Variants in LARGE1 observed in about 807,000 individuals in gnomAD.
LARGE1 encodes LARGE xylosyl- and glucuronyltransferase 1.
Under a neutral mutation model 87.6 loss-of-function variants are expected in LARGE1, and 43 were observed. That is an observed-to-expected ratio of 0.49 (90% CI 0.38 to 0.63). The LOEUF is 0.63. Among genes scored for constraint, LARGE1 ranks in the 30% least tolerant of loss-of-function variants. LARGE1 has a pLI of 0.00. For missense variants in LARGE1, 802 were observed against 1,000.2 expected (o/e 0.80, Z 2.67); for synonymous variants, 434 against 394.6 (o/e 1.10, Z -1.18).
intron 10 of LARGE1, among the ~76,000 whole-genome samples, chr22:33,333,580 G>A (rs1179927864): frequency 6.6e-6 from 1 of 152,118 alleles, no homozygotes; most frequent in Non-Finnish European, 1.5e-5. Flanking sequence ...TTCTTCATCT[G>A]CTCTTCCCTT....
chr22:33,676,516 C>T (rs1050367883), intron 2 of LARGE1, among the ~76,000 whole-genome samples: 1 of 144,958 alleles, frequency 6.9e-6, no homozygotes, highest in Non-Finnish European at 1.5e-5. Context: ...ACCAAGAAAA[C>T]TATACAATAA....
At chr22:33,809,285 C>A (rs917780971) in intron 1 of LARGE1, among the ~76,000 whole-genome samples, 2 of 139,548 alleles carry the variant, frequency 1.4e-5, no homozygotes, top group Admixed American at 1.4e-4. Flanking sequence ...AAAAAAAAAT[C>A]AGGTCCTGTG....
chr22:33,132,552 T>C, the LARGE1 span, among the ~76,000 whole-genome samples: 1 of 101,422 alleles, frequency 9.9e-6, no homozygotes, highest in Non-Finnish European at 2.2e-5. Flanking sequence ...AAAATTTAAT[T>C]TGGAAGCTCA....
chr22:33,444,668 A>G lies in LARGE1; in HGVS notation c.788-12403T>C, dbSNP rs1244563827. Among the ~76,000 whole-genome samples the G allele has an allele frequency of 4.3e-4, 65 of 152,328 alleles. 1 individual carries two copies. Among genetic ancestry groups the G allele is most frequent in the Non-Finnish European group, 5.9e-5 (4 of 68,034 alleles). On this transcript the variant is annotated intron_variant, in intron 6 of 14. Transcript: ENST00000397394. ...GATAAAGGTATGCTGGCTTGGCATCATTTGGTATAAGGTTAATGAAAGGCG... is the reference window on the plus strand; with the variant it reads ...GATAAAGGTATGCTGGCTTGGCATCGTTTGGTATAAGGTTAATGAAAGGCG...
At chr22:33,189,444 T>C (rs1323061263) in intron 11 of LARGE1, among the ~76,000 whole-genome samples, 1 of 152,172 alleles carries the variant, frequency 6.6e-6, no homozygotes, top group Non-Finnish European at 1.5e-5. Context: ...TCTGCCTTTT[T>C]CTTTCTGAGT....
chr22:33,757,626 G>C (rs1399697208), intron 2 of LARGE1, among the ~76,000 whole-genome samples: 1 of 152,076 alleles, frequency 6.6e-6, no homozygotes, highest in Non-Finnish European at 1.5e-5. Flanking sequence ...GGGAGTTCTT[G>C]GCTCTGCTCT....
In LARGE1 at chr22:33,872,355, CTATCTAT is replaced by C. The variant is rs1158524772; in HGVS notation, c.-83+47633_-83+47639del. ...GCACAGAGCAGACACGCAGTAAATGCTATCTATTATTATTATTATTATTATTATTATT... is the reference window on the plus strand; with the variant it reads ...GCACAGAGCAGACACGCAGTAAATGCTATTATTATTATTATTATTATTATT... On this transcript the variant is annotated intron_variant, in intron 1 of 14. Coordinates refer to ENST00000397394, the MANE Select transcript of LARGE1 (RefSeq NM_133642.5). 2.2e-3 allele frequency among the ~76,000 whole-genome samples: 290 copies of C among 133,846 alleles called. 3 individuals are homozygous for C. Among genetic ancestry groups the C allele is most frequent in the African/African-American group, 8.4e-3 (284 of 33,652 alleles). The allele number at this position is 133,846 out of a possible 152,430, so 87.8% of individuals were successfully genotyped here.
intron 11 of LARGE1, among the ~76,000 whole-genome samples, chr22:33,246,066 G>A (rs896023937): frequency 6.6e-6 from 1 of 152,166 alleles, no homozygotes; most frequent in Non-Finnish European, 1.5e-5. Flanking sequence ...TGCAAATACT[G>A]CTGTAGCCAT....
intron 6 of LARGE1, among the ~76,000 whole-genome samples, chr22:33,504,692 C>T (rs922958496): frequency 2.6e-5 from 4 of 152,104 alleles, no homozygotes; most frequent in African/African-American, 4.8e-5. Context: ...CTTTAGTTCC[C>T]GCATTGGTTC....
chr22:33,661,012 A>ATT (rs11356403), intron 2 of LARGE1, among the ~76,000 whole-genome samples: 10 of 147,726 alleles, frequency 6.8e-5, no homozygotes, highest in Admixed American at 2.0e-4. Flanking sequence ...ATGAGGTTTG[A>ATT]TTTTTTTTTT....
chr22:33,643,698 A>G (rs1056974971), intron 3 of LARGE1, among the ~76,000 whole-genome samples: 1 of 152,154 alleles, frequency 6.6e-6, no homozygotes, highest in Non-Finnish European at 1.5e-5. Context: ...GGAGAAGAAC[A>G]AATAGACACA....
At chr22:33,174,700 A>T (rs1034290564) in intron 11 of LARGE1, among the ~76,000 whole-genome samples, 1 of 152,084 alleles carries the variant, frequency 6.6e-6, no homozygotes, top group African/African-American at 2.4e-5. Flanking sequence ...ACCATCAGAG[A>T]ATACTATAAA....
At chr22:33,182,851 A>G (rs900138900) in intron 11 of LARGE1, among the ~76,000 whole-genome samples, 3 of 152,212 alleles carry the variant, frequency 2.0e-5, no homozygotes, top group African/African-American at 7.2e-5. Flanking sequence ...ACCTGAAACC[A>G]TAAAATGCCT....
intron 7 of LARGE1, among the ~76,000 whole-genome samples, chr22:33,428,581 G>C (rs1358303762): frequency 6.7e-6 from 1 of 148,634 alleles, no homozygotes; most frequent in African/African-American, 2.5e-5. Flanking sequence ...CCAAAGTGCT[G>C]AGATTACAGG....
chr22:33,539,148 A>T (rs1018425258), intron 6 of LARGE1, among the ~76,000 whole-genome samples: 5 of 152,168 alleles, frequency 3.3e-5, no homozygotes, highest in Non-Finnish European at 5.9e-5. Flanking sequence ...TTGGATTGTG[A>T]TGAAAAATGT....
At chr22:33,803,160 T>A (rs1019384438) in intron 1 of LARGE1, among the ~76,000 whole-genome samples, 8 of 152,192 alleles carry the variant, frequency 5.3e-5, no homozygotes, top group Non-Finnish European at 2.9e-5. Flanking sequence ...CTCCTCTTAA[T>A]AAAAGCTACT....
intron 6 of LARGE1, among the ~76,000 whole-genome samples, chr22:33,511,711 G>A (rs989509600): frequency 6.6e-6 from 1 of 152,178 alleles, no homozygotes; most frequent in African/African-American, 2.4e-5. Flanking sequence ...TGTGAACTGC[G>A]TCTCTGGCAA....
At chr22:33,529,454 A>C (rs1239073302) in intron 6 of LARGE1, among the ~76,000 whole-genome samples, 1 of 152,248 alleles carries the variant, frequency 6.6e-6, no homozygotes, top group African/African-American at 2.4e-5. Flanking sequence ...AAAGCAAAAA[A>C]TGATAGCAGA....
chr22:33,815,788 G>C (rs192334720), intron 1 of LARGE1, among the ~76,000 whole-genome samples: 1 of 152,154 alleles, frequency 6.6e-6, no homozygotes, highest in South Asian at 2.1e-4. Flanking sequence ...CCATGCAGAC[G>C]GCTCAGCAGA....
Sources: allele counts gnomAD v4.1 joint callset (sites outside exome capture counted in the v4.1 genomes callset), GRCh38; gene constraint gnomAD v4.1.1; transcripts MANE v1.5; gene names NCBI Gene and HGNC (gene_info 2026-07-23, HGNC 2026-07-21).